The following NDUFA10 variants were observed in gnomAD, a reference collection of about 807,000 sequenced individuals.
NDUFA10 encodes NADH dehydrogenase [ubiquinone] 1 alpha subcomplex subunit 10, mitochondrial.
A neutral mutation model predicts 47.8 loss-of-function variants in NDUFA10; 40 were observed. The ratio of observed to expected loss-of-function variants is 0.84; its 90% CI spans 0.65 to 1.09. NDUFA10 has a LOEUF of 1.09. NDUFA10 is among the 50% of genes least tolerant of loss of function. NDUFA10 has a pLI of 0.00. For missense variants in NDUFA10, 413 were observed against 451.1 expected, an observed-to-expected ratio of 0.92 and a Z score of 0.76; for synonymous variants, 183 against 172.2, an observed-to-expected ratio of 1.06 and a Z score of -0.49.
chr2:239,991,392 C>T lies in NDUFA10; in HGVS notation c.891-1210G>A, dbSNP rs913058184. Among the ~76,000 whole-genome samples the T allele has an allele frequency of 6.6e-5, 10 of 152,166 alleles. No homozygotes were observed. The East Asian group carries it at 9.6e-4, about 15-fold the overall frequency. On this transcript the variant is annotated intron_variant, in intron 8 of 9. Transcript: ENST00000252711. ...TTGCTTTCCTAAGTGTATTTATGTG[C>T]GTTTCCACATGGGTAGGCAAATGGC... is the stretch of plus-strand genomic sequence containing the variant.
intron 4 of NDUFA10, among the ~76,000 whole-genome samples, chr2:239,938,239 T>C (rs1293569293): frequency 6.6e-6 from 1 of 152,168 alleles, no homozygotes; most frequent in East Asian, 1.9e-4. Flanking sequence ...CACCGTGATA[T>C]GGAATAAACC....
Position 239,987,300 on chromosome 2 carries a change from C to T in NDUFA10, c.999+2774G>A, listed in dbSNP as rs183856434. 6.6e-6 allele frequency among the ~76,000 whole-genome samples: 1 copy of T among 152,026 alleles called. No homozygotes were observed. Among genetic ancestry groups the T allele is most frequent in the African/African-American group, 2.4e-5 (1 of 41,350 alleles). ...TTGTGAGAATTACACATTCAAGCCA[C>T]GATTCTCAAACCAGGCGCTGTGCAT... On this transcript the variant is annotated intron_variant, in intron 9 of 9. Transcript: ENST00000252711. This position sits in a 1 kb window ranked among gnomAD's most constrained non-coding sequence, Gnocchi z 4.8.
chr2:239,909,749 G>A (rs942552777), intron 4 of NDUFA10, among the ~76,000 whole-genome samples: 1 of 150,942 alleles, frequency 6.6e-6, no homozygotes, highest in African/African-American at 2.4e-5. Context: ...ATTGACAAAT[G>A]GAATCTAAGT....
chr2:239,984,138 C>A (rs2106433327), intron 9 of NDUFA10, among the ~76,000 whole-genome samples: 2 of 151,558 alleles, frequency 1.3e-5, no homozygotes, highest in African/African-American at 4.8e-5. Context: ...GAGGCTGAGG[C>A]ACAAGAATCG....
intron 9 of NDUFA10, among the ~76,000 whole-genome samples, chr2:239,966,325 G>A (rs1409680456): frequency 6.6e-6 from 1 of 152,248 alleles, no homozygotes; most frequent in Non-Finnish European, 1.5e-5. Context: ...GCCCAGACAT[G>A]GAGGATGAGC....
chr2:239,922,713 T>A (rs1216158980), intron 4 of NDUFA10, among the ~76,000 whole-genome samples: 2 of 152,214 alleles, frequency 1.3e-5, no homozygotes, highest in Non-Finnish European at 2.9e-5. Flanking sequence ...CAGGGACACC[T>A]GGTTTAAAAT....
chr2:239,935,020 T>C (rs1293493921), intron 4 of NDUFA10, among the ~76,000 whole-genome samples: 3 of 152,200 alleles, frequency 2.0e-5, no homozygotes, highest in Admixed American at 6.5e-5. Context: ...GCCCCTGGAA[T>C]GGAGGCCTCC....
At position 240,022,271 on chromosome 2, in the gene NDUFA10, C is replaced by G; in HGVS notation, c.145G>C (p.Ala49Pro). The G allele has an allele frequency of 6.2e-7, 1 of 1,614,120 alleles. No homozygotes were observed. Among genetic ancestry groups the G allele is most frequent in the South Asian group, 1.1e-5 (1 of 91,080 alleles). ...GMWHFLLGDK[A>P]SKRLTERSRV... is the part of the protein sequence containing the mutation. ...CTGCGTTCTGTCAGTCTTTTGCTTG[C>G]TTTATCCCCAAGTAGGAAATGCCAC... is the stretch of plus-strand genomic sequence containing the variant. Residue 49 changes from alanine to proline, a missense_variant, in exon 2 of 10, where the codon GCA becomes CCA. Physicochemically the swap from Ala to Pro is conservative, Grantham distance 27. Coordinates refer to ENST00000252711, the MANE Select transcript of NDUFA10 (RefSeq NM_004544.4).
chr2:240,021,043 C>G, intron 3 of NDUFA10, 154 bp downstream of exon 3: 1 of 698,190 alleles, frequency 1.4e-6, no homozygotes, highest in Non-Finnish European at 2.5e-6. Flanking sequence ...AAAAATAACA[C>G]AATCTCAAGA....
chr2:239,904,270 T>C (rs1348430938), intron 4 of NDUFA10, among the ~76,000 whole-genome samples: 1 of 151,668 alleles, frequency 6.6e-6, no homozygotes, highest in Non-Finnish European at 1.5e-5. Flanking sequence ...TTCTTCTTTT[T>C]TCTTTTTAGT....
At chr2:239,907,761 G>A (rs1216027291) in intron 4 of NDUFA10, among the ~76,000 whole-genome samples, 3 of 152,210 alleles carry the variant, frequency 2.0e-5, no homozygotes, top group Admixed American at 6.5e-5. Flanking sequence ...GTGCTGGAGA[G>A]GATGTGGAGA....
intron 8 of NDUFA10, among the ~76,000 whole-genome samples, chr2:239,995,245 G>A (rs1358157907): frequency 6.6e-6 from 1 of 152,112 alleles, no homozygotes; most frequent in Non-Finnish European, 1.5e-5. Context: ...CTGCAGCCTG[G>A]GCGATGGGCA....
chr2:239,971,789 T>G (rs950584931), intron 9 of NDUFA10, among the ~76,000 whole-genome samples: 2 of 152,252 alleles, frequency 1.3e-5, no homozygotes. Context: ...TAACTTTTAG[T>G]GTGCTAACTC....
intron 4 of NDUFA10, among the ~76,000 whole-genome samples, chr2:239,903,953 G>A (rs1693599475): frequency 6.6e-6 from 1 of 152,224 alleles, no homozygotes; most frequent in African/African-American, 2.4e-5. Flanking sequence ...AGAGAACCAG[G>A]GGCAGGCAAT....
At chr2:240,023,539 C>T (rs182393921) in intron 1 of NDUFA10, among the ~76,000 whole-genome samples, 6 of 152,176 alleles carry the variant, frequency 3.9e-5, no homozygotes, top group Non-Finnish European at 7.4e-5. Context: ...ATAAGATTGA[C>T]CTATAAGGAT....
intron 4 of NDUFA10, among the ~76,000 whole-genome samples, chr2:239,911,713 C>T (rs1247067327): frequency 7.1e-6 from 1 of 140,704 alleles, no homozygotes. Context: ...CTCCCTGTTG[C>T]TCCTTCTCTC....
chr2:239,903,797 C>T (rs903013721), intron 4 of NDUFA10, among the ~76,000 whole-genome samples: 22 of 152,202 alleles, frequency 1.4e-4, no homozygotes, highest in Non-Finnish European at 2.2e-4. Flanking sequence ...TTGTTGGCAG[C>T]TGCCGGTTTC....
chr2:239,949,751 G>A (rs1465044538), intron 4 of NDUFA10, among the ~76,000 whole-genome samples: 2 of 152,160 alleles, frequency 1.3e-5, no homozygotes, highest in African/African-American at 2.4e-5. Flanking sequence ...CAAAGCACTC[G>A]GATTACAGGC....
intron 9 of NDUFA10, among the ~76,000 whole-genome samples, chr2:239,984,713 A>G (rs900145251): frequency 1.3e-5 from 2 of 152,252 alleles, no homozygotes; most frequent in Admixed American, 6.5e-5. Context: ...ATCAGGCTGT[A>G]AAGGCAACAG....
Sources: gnomAD v4.1 joint callset for allele counts (sites outside exome capture counted in the v4.1 genomes callset) on GRCh38, gnomAD v4.1.1 for gene constraint, Gnocchi (gnomAD v3.1) non-coding constraint, MANE v1.5 for transcripts, NCBI Gene and HGNC (gene_info 2026-07-23, HGNC 2026-07-21) for gene names.